ZNF117: variants seen among roughly 807,000 people sequenced by gnomAD.
ZNF117 encodes Krueppel-related zinc finger protein.
A neutral mutation model predicts 41.2 loss-of-function variants in ZNF117; 37 were observed. The observed-to-expected ratio is 0.90, with a 90% CI of 0.69 to 1.18. The LOEUF (loss-of-function observed/expected upper bound fraction) is 1.18, where lower values mean the gene tolerates loss of function less well. ZNF117 is among the 50% of genes most tolerant of loss of function. The pLI is 0.00. For synonymous variants in ZNF117, 186 were observed against 186.6 expected (o/e 1.00, Z 0.02); for missense variants, 546 against 557.5 (o/e 0.98, Z 0.21).
At chr7:64,980,272 T>C (rs531391511) in intron 2 of ZNF117, 1 of 152,096 alleles carries the variant, frequency 6.6e-6, no homozygotes, top group East Asian at 1.9e-4. Flanking sequence ...GACAGGTAGC[T>C]TGTTTTTAAT....
chr7:64,989,458 T>C (rs1422561097), intron 1 of ZNF117, among the ~76,000 whole-genome samples: 10 of 35,194 alleles, frequency 2.8e-4, no homozygotes, highest in Non-Finnish European at 5.5e-4. Context: ...TATATATATA[T>C]ATATATATAT....
downstream of ZNF117, chr7:64,972,830 G>A (rs759100077): frequency 2.0e-5 from 3 of 151,958 alleles, no homozygotes; most frequent in Non-Finnish European, 2.9e-5. Flanking sequence ...GTGAGGTAAA[G>A]CCTTAATTAC....
At chr7:64,981,040 A>T in intron 2 of ZNF117, 1 of 243,646 alleles carries the variant, frequency 4.1e-6, no homozygotes, top group Non-Finnish European at 7.9e-6. Context: ...AGAGAATTTA[A>T]AAAACTGTTT....
chr7:64,978,183 T>C (rs755150442), exon 3 of ZNF117: 10 of 1,612,766 alleles, frequency 6.2e-6, no homozygotes, highest in Admixed American at 3.3e-5. Context: ...AATTATCTTA[T>C]GTGTAGTAAG....
At chr7:64,989,259 C>T (rs1482349038) in intron 1 of ZNF117, among the ~76,000 whole-genome samples, 1 of 150,960 alleles carries the variant, frequency 6.6e-6, no homozygotes, top group African/African-American at 2.4e-5. Context: ...CAATGCCACA[C>T]ACCTGCAACC....
Position 64,989,938 on chromosome 7 carries a change from G to T in ZNF117, c.-196+9C>A, listed in dbSNP as rs1179283886. 1 of 152,040 alleles carries T rather than the reference G, an allele frequency of 6.6e-6. No individual in the cohort carries two copies. The highest frequency in any genetic ancestry group is 1.5e-5 in the Non-Finnish European group (1 of 68,038). 9.4% of individuals were successfully genotyped at this position (152,040 alleles called of 1,614,324 possible). On this transcript the variant is annotated intron_variant, in intron 1 of 3. Coordinates refer to the ZNF117 transcript ENST00000282869. ...AATACAAAAATTAGCTGGGTTTTGT[G>T]TCACGCACCTGTGATCCCAGCTACT...
chr7:64,981,112 AC>A, intron 2 of ZNF117: 1 of 360,788 alleles, frequency 2.8e-6, no homozygotes. Flanking sequence ...ACAAAAAAAA[AC>A]CAGTCAGATT....
exon 3 of ZNF117, chr7:64,977,686 T>G: frequency 1.2e-6 from 1 of 810,298 alleles, no homozygotes; most frequent in Non-Finnish European, 2.0e-6. Flanking sequence ...TTATGTGTAG[T>G]AAGGTTTACG....
exon 1 of ZNF117, chr7:64,990,080 C>G (rs1786230655): frequency 6.6e-6 from 1 of 151,982 alleles, no homozygotes; most frequent in Non-Finnish European, 1.5e-5. Flanking sequence ...CAGAAAACAA[C>G]AACAACAACA....
At chr7:64,978,760 G>C in exon 3 of ZNF117, 1 of 1,613,356 alleles carries the variant, frequency 6.2e-7, no homozygotes, top group Non-Finnish European at 8.5e-7. Context: ...TCTCCAGTAT[G>C]AATGTACTTA....
At chr7:64,981,593 C>T (rs981119947) in intron 1 of ZNF117, 111 bp from the exon 3 acceptor site, 4 of 957,166 alleles carry the variant, frequency 4.2e-6, no homozygotes, top group Non-Finnish European at 4.6e-6. Flanking sequence ...AATTAATCCC[C>T]AAATGCTAAT....
intron 2 of ZNF117, chr7:64,980,301 G>A (rs943105331): frequency 6.6e-6 from 1 of 151,874 alleles, no homozygotes; most frequent in Non-Finnish European, 1.5e-5. Context: ...TTCAATTAAA[G>A]ATTACAATGC....
At position 64,981,370 on chromosome 7, in the gene ZNF117, T is replaced by C. The variant is rs1411703585; in HGVS notation, c.34+17A>G. On this transcript the variant is annotated intron_variant, in intron 2 of 2. Coordinates refer to ENST00000620222, the Ensembl canonical transcript of ZNF117. ...TGACCTCTTCTCTGTGCCATCTGTG[T>C]ATTCACTCTCACTTACCTAAATGTT... 3 of 1,612,946 alleles carry C rather than the reference T, an allele frequency of 1.9e-6. No homozygotes were observed. Among genetic ancestry groups the C allele is most frequent in the Non-Finnish European group, 8.5e-7 (1 of 1,179,096 alleles).
chr7:64,984,669 T>C (rs1437112844), upstream of ZNF117, among the ~76,000 whole-genome samples: 2 of 152,248 alleles, frequency 1.3e-5, no homozygotes, highest in Non-Finnish European at 2.9e-5. Context: ...GAATATTAGA[T>C]ATAAATATCT....
chr7:64,986,864 C>T (rs905437953), upstream of ZNF117, among the ~76,000 whole-genome samples: 4 of 151,962 alleles, frequency 2.6e-5, no homozygotes, highest in African/African-American at 9.7e-5. Context: ...ACTACAACAC[C>T]CCACAGACAC....
chr7:64,972,703 G>T (rs1785801821), downstream of ZNF117: 1 of 151,962 alleles, frequency 6.6e-6, no homozygotes, highest in Non-Finnish European at 1.5e-5. Flanking sequence ...TTAATAGGAG[G>T]AATAAGTTTA....
downstream of ZNF117, chr7:64,973,556 G>A (rs1388702056): frequency 6.6e-6 from 1 of 151,778 alleles, no homozygotes; most frequent in Non-Finnish European, 1.5e-5. Context: ...TTAATTAACT[G>A]ATCAGAAAGT....
exon 3 of ZNF117, chr7:64,978,632 A>T (rs747882972): frequency 2.7e-5 from 44 of 1,611,434 alleles, no homozygotes; most frequent in Non-Finnish European, 3.6e-5. Flanking sequence ...ATTGTTTAAA[A>T]GCTTTGCCAC....
At chr7:64,974,829 A>G (rs1016946869) in exon 3 of ZNF117, 12 of 152,080 alleles carry the variant, frequency 7.9e-5, no homozygotes, top group Non-Finnish European at 1.0e-4. Context: ...AGTAACTAAA[A>G]GTGTAGAATC....
Sources: allele counts gnomAD v4.1 joint callset (sites outside exome capture counted in the v4.1 genomes callset), GRCh38; gene constraint gnomAD v4.1.1; transcripts MANE v1.5; gene names NCBI Gene and HGNC (gene_info 2026-07-23, HGNC 2026-07-21).